HMSD: variants seen among roughly 807,000 people sequenced by gnomAD.
The protein encoded by HMSD is serpin-like protein HMSD.
HMSD carries 13 observed loss-of-function variants against 10.0 expected under a neutral mutation model. The ratio of observed to expected loss-of-function variants is 1.31; its 90% confidence interval spans 0.85 to 2.08. The LOEUF is 2.08. Ranked by LOEUF, HMSD falls within the 30% of genes most tolerant of loss-of-function variation. The pLI, the probability that HMSD is intolerant of heterozygous loss-of-function variation, is 0.00. For missense variants in HMSD, 169 were observed against 166.3 expected, an observed-to-expected ratio of 1.02 and a Z score of -0.09; for synonymous variants, 51 against 54.2, an observed-to-expected ratio of 0.94 and a Z score of 0.26.
intron 1 of HMSD, among the ~76,000 whole-genome samples, chr18:63,949,887 G>T (rs144026628): frequency 4.0e-5 from 6 of 151,806 alleles, no homozygotes; most frequent in Non-Finnish European, 8.8e-5. Context: ...TCCTTTAAAA[G>T]AAACCAGGAG....
At chr18:63,959,038 C>T (rs776764305) in intron 3 of HMSD, among the ~76,000 whole-genome samples, 29 of 152,072 alleles carry the variant, frequency 1.9e-4, no homozygotes, top group Admixed American at 3.9e-4. Context: ...TTTAGGTTCA[C>T]AGAAAAATTG....
chr18:63,963,223 C>G (rs9961666), downstream of HMSD, among the ~76,000 whole-genome samples: 707 of 74,174 alleles, frequency 9.5e-3, 18 homozygotes, highest in African/African-American at 0.064. Context: ...TTCCTTCCTT[C>G]CTTGCTTCCT....
At chr18:63,963,128 TCTTTC>T (rs1568261426), downstream of HMSD, among the ~76,000 whole-genome samples, 23 of 134,440 alleles carry the variant, frequency 1.7e-4, 1 homozygote, top group African/African-American at 6.4e-4. Flanking sequence ...TTTCTTTCTT[TCTTTC>T]CTTTCTTTCT....
Position 63,961,401 on chromosome 18 carries a change from G to C in HMSD, c.*1046G>C, listed in dbSNP as rs1187775126. The C allele has an allele frequency of 1.3e-5, 2 of 152,162 alleles. No homozygotes were observed. The highest frequency in any genetic ancestry group is 4.8e-5 in the African/African-American group (2 of 41,440). The allele number at this position is 152,162 out of a possible 1,614,324, so 9.4% of individuals were successfully genotyped here. On this transcript the variant is annotated 3_prime_UTR_variant, in exon 4 of 4. Coordinates refer to ENST00000408945, the MANE Select transcript of HMSD (RefSeq NM_001123366.2). ...TTTTGTTTGTCATATTCTCTTTGAA[G>C]AGTTATCATTCACTATTTTATTTCT...
intron 3 of HMSD, chr18:63,968,277 C>T (rs1185643016): frequency 6.6e-6 from 1 of 152,222 alleles, no homozygotes; most frequent in Non-Finnish European, 1.5e-5. Context: ...GAGGGACCTT[C>T]GTAAATACAA....
chr18:63,956,296 T>C (rs2144759653), intron 3 of HMSD, among the ~76,000 whole-genome samples: 1 of 150,874 alleles, frequency 6.6e-6, no homozygotes, highest in African/African-American at 2.4e-5. Flanking sequence ...CCTATAGAAA[T>C]GGAGAAAATA....
At chr18:63,966,982 T>C (rs1434042542) in intron 3 of HMSD, 6 of 152,262 alleles carry the variant, frequency 3.9e-5, no homozygotes, top group Non-Finnish European at 7.3e-5. Flanking sequence ...GTTTTGTTTT[T>C]GCTTTTTGTG....
In HMSD at chr18:63,960,171, C is replaced by A. The variant is rs748662951; in HGVS notation, c.236C>A (p.Ser79Tyr). The change falls in exon 4 of 4, where the codon TCC becomes TAC. Residue 79 changes from serine (S) to tyrosine (Y), a missense_variant. Coordinates refer to ENST00000408945, the MANE Select transcript of HMSD (RefSeq NM_001123366.2). The stretch of plus-strand genomic sequence containing the variant: ...GGTTTTTCCTAGGGTTTTACAGATT[C>A]CTGTGGCAAATTCTACCAAGCAACG... ...SYDFLTGFTD[S>Y]CGKFYQATIK... The A allele has an allele frequency of 1.2e-6, 2 of 1,611,364 alleles. No individual in the cohort carries two copies. Among genetic ancestry groups the A allele is most frequent in the Admixed American group, 1.7e-5 (1 of 59,452 alleles).
chr18:63,957,499 T>C (rs2050365469), intron 3 of HMSD, among the ~76,000 whole-genome samples: 1 of 152,184 alleles, frequency 6.6e-6, no homozygotes, highest in South Asian at 2.1e-4. Context: ...CTGTGATATG[T>C]ATTTTTTCAA....
chr18:63,950,286 T>C (rs1432082257), intron 1 of HMSD, among the ~76,000 whole-genome samples: 1 of 151,482 alleles, frequency 6.6e-6, no homozygotes, highest in Non-Finnish European at 1.5e-5. Flanking sequence ...TGTCGTGACA[T>C]GGGCCTGTAG....
At chr18:63,963,800 G>A (rs1320516821), downstream of HMSD, among the ~76,000 whole-genome samples, 1 of 152,164 alleles carries the variant, frequency 6.6e-6, no homozygotes, top group Non-Finnish European at 1.5e-5. Flanking sequence ...TTGACTGACT[G>A]GCCCAGTGTT....
At chr18:63,964,386 A>G (rs778104456), downstream of HMSD, among the ~76,000 whole-genome samples, 11 of 152,042 alleles carry the variant, frequency 7.2e-5, no homozygotes, top group East Asian at 5.8e-4. Context: ...ACAAAAACAA[A>G]AAAATTAACT....
At chr18:63,950,126 A>G (rs2050321426) in intron 1 of HMSD, among the ~76,000 whole-genome samples, 1 of 152,126 alleles carries the variant, frequency 6.6e-6, no homozygotes, top group African/African-American at 2.4e-5. Context: ...AGATAAAACA[A>G]GTAAAATGGG....
chr18:63,949,551 CT>C (rs1243236852), intron 1 of HMSD, among the ~76,000 whole-genome samples, 151 bp downstream of exon 1: 2 of 152,232 alleles, frequency 1.3e-5, no homozygotes, highest in Non-Finnish European at 2.9e-5. Flanking sequence ...GGCTGTCCTT[CT>C]TTACTCGGTC....
downstream of HMSD, among the ~76,000 whole-genome samples, chr18:63,962,130 T>C (rs17072279): frequency 0.061 from 9,282 of 152,288 alleles, 366 homozygotes; most frequent in African/African-American, 0.09. Context: ...CTTCTTTGCA[T>C]TGGACATTTT....
chr18:63,958,658 A>C (rs755514832), intron 3 of HMSD, among the ~76,000 whole-genome samples: 2 of 152,158 alleles, frequency 1.3e-5, no homozygotes, highest in African/African-American at 4.8e-5. Context: ...CCATAATGCT[A>C]TGCATTATGT....
At chr18:63,957,494 A>G (rs1044559150) in intron 3 of HMSD, among the ~76,000 whole-genome samples, 4 of 152,000 alleles carry the variant, frequency 2.6e-5, no homozygotes, top group South Asian at 4.1e-4. Flanking sequence ...TCTTACTGTG[A>G]TATGTATTTT....
At chr18:63,955,432 T>A (rs536341588) in intron 3 of HMSD, among the ~76,000 whole-genome samples, 37 of 152,266 alleles carry the variant, frequency 2.4e-4, no homozygotes, top group Middle Eastern at 3.4e-3. Flanking sequence ...TTACACAGTT[T>A]TGTGCATATG....
rs2050340810 is a variant in HMSD at position 63,953,375 on chromosome 18, A to G, written c.-81A>G. On this transcript the variant is annotated 5_prime_UTR_variant, in exon 2 of 4. Coordinates refer to ENST00000408945, the MANE Select transcript of HMSD (RefSeq NM_001123366.2). ...TCAGGCTCACCGTCATGGATGCTCT[A>G]TCAGAAGCAAATGGCACATTTGCAT... The G allele has an allele frequency of 2.0e-6, 2 of 1,025,480 alleles. No homozygotes were observed. Among genetic ancestry groups the G allele is most frequent in the Admixed American group, 1.9e-5 (1 of 51,554 alleles). 63.5% of individuals were successfully genotyped at this position (1,025,480 alleles called of 1,614,324 possible).
Sources: gnomAD v4.1 joint callset for allele counts (sites outside exome capture counted in the v4.1 genomes callset) on GRCh38, gnomAD v4.1.1 for gene constraint, MANE v1.5 for transcripts, NCBI Gene and HGNC (gene_info 2026-07-23, HGNC 2026-07-21) for gene names.